SPMIP4: variants seen among roughly 807,000 people sequenced by gnomAD.
The protein encoded by SPMIP4 is sperm microtubule inner protein 4, also known as sperm-associated microtubule inner protein 4.
the SPMIP4 span, chr7:25,154,909 C>T: frequency 4.6e-6 from 5 of 1,086,006 alleles, no homozygotes; most frequent in African/African-American, 6.4e-5. Context: ...TTGAGTCACA[C>T]ATTTGTGACT....
chr7:25,132,344 A>G, the SPMIP4 span, among the ~76,000 whole-genome samples: 1 of 152,200 alleles, frequency 6.6e-6, no homozygotes, highest in Non-Finnish European at 1.5e-5. This position sits in a 1 kb window ranked among gnomAD's most constrained non-coding sequence, Gnocchi z 5.0. Flanking sequence ...TAGGAAATCC[A>G]GCTAGTCCTG....
the SPMIP4 span, chr7:25,136,352 C>T: frequency 6.2e-7 from 1 of 1,614,164 alleles, no homozygotes; most frequent in Non-Finnish European, 8.5e-7. This position sits in a 1 kb window ranked among gnomAD's most constrained non-coding sequence, Gnocchi z 5.7. Context: ...TTAAGATTTT[C>T]ATAGTGAATC....
the SPMIP4 span, among the ~76,000 whole-genome samples, chr7:25,129,685 C>A: frequency 6.6e-6 from 1 of 151,956 alleles, no homozygotes; most frequent in African/African-American, 2.4e-5. Flanking sequence ...GGGGCAATTC[C>A]TGGAGGCTTC....
At chr7:25,166,636 C>G in the SPMIP4 span, among the ~76,000 whole-genome samples, 1 of 151,832 alleles carries the variant, frequency 6.6e-6, no homozygotes, top group Non-Finnish European at 1.5e-5. Context: ...TCTGTAATCC[C>G]AACACTTTGG....
the SPMIP4 span, among the ~76,000 whole-genome samples, chr7:25,178,036 A>G: frequency 1.3e-5 from 2 of 152,128 alleles, no homozygotes; most frequent in Non-Finnish European, 2.9e-5. Flanking sequence ...TTTAGCTCCC[A>G]CTTATAAGTC....
At chr7:25,143,627 T>C in the SPMIP4 span, among the ~76,000 whole-genome samples, 1 of 138,786 alleles carries the variant, frequency 7.2e-6, no homozygotes, top group African/African-American at 2.7e-5. Flanking sequence ...GGTCTCACCC[T>C]GCCACCCAGG....
chr7:25,135,365 G>A, the SPMIP4 span: 1 of 985,486 alleles, frequency 1.0e-6, no homozygotes, highest in Non-Finnish European at 1.2e-6. Context: ...TACATGCAGA[G>A]AGTTTTGGGT....
chr7:25,130,962 C>G, the SPMIP4 span, among the ~76,000 whole-genome samples: 10 of 152,312 alleles, frequency 6.6e-5, 1 homozygote, highest in Non-Finnish European at 1.5e-5. Flanking sequence ...TGGAGCAGGG[C>G]CCTCAATCCC....
chr7:25,136,694 G>A, the SPMIP4 span: 1 of 1,614,148 alleles, frequency 6.2e-7, no homozygotes, highest in South Asian at 1.1e-5. The surrounding 1 kb of genome is among the most constrained non-coding windows in gnomAD (Gnocchi z 5.7). Flanking sequence ...CGTGGTCTTT[G>A]CTGGACTATA....
the SPMIP4 span, among the ~76,000 whole-genome samples, chr7:25,156,929 C>T: frequency 6.6e-6 from 1 of 152,056 alleles, no homozygotes; most frequent in African/African-American, 2.4e-5. Context: ...CCTTGTGATC[C>T]ACCTGCCTCG....
At chr7:25,159,802 G>A in the SPMIP4 span, among the ~76,000 whole-genome samples, 5 of 152,134 alleles carry the variant, frequency 3.3e-5, no homozygotes, top group African/African-American at 7.2e-5. Flanking sequence ...GAAAGATGGT[G>A]GGGGCACAAA....
At chr7:25,173,185 A>G in the SPMIP4 span, among the ~76,000 whole-genome samples, 1 of 152,122 alleles carries the variant, frequency 6.6e-6, no homozygotes, top group Admixed American at 6.5e-5. The surrounding 1 kb of genome is among the most constrained non-coding windows in gnomAD (Gnocchi z 4.4). Flanking sequence ...TTTTCTCTTT[A>G]CCAGTACAGT....
the SPMIP4 span, among the ~76,000 whole-genome samples, chr7:25,148,732 C>T: frequency 6.6e-6 from 1 of 152,158 alleles, no homozygotes; most frequent in African/African-American, 2.4e-5. Context: ...GCCTTGGCCT[C>T]CCAAAGTGTC....
the SPMIP4 span, among the ~76,000 whole-genome samples, chr7:25,137,195 G>A: frequency 6.7e-6 from 1 of 149,930 alleles, no homozygotes; most frequent in East Asian, 1.9e-4. Flanking sequence ...TTAAACCTTG[G>A]CTGAGTCAGA....
chr7:25,151,166 A>T, the SPMIP4 span, among the ~76,000 whole-genome samples: 4 of 152,172 alleles, frequency 2.6e-5, no homozygotes, highest in Non-Finnish European at 4.4e-5. Context: ...GAAAAATGTA[A>T]ATCATAGTCA....
At chr7:25,163,907 T>C in the SPMIP4 span, among the ~76,000 whole-genome samples, 1 of 152,224 alleles carries the variant, frequency 6.6e-6, no homozygotes, top group South Asian at 2.1e-4. This position sits in a 1 kb window ranked among gnomAD's most constrained non-coding sequence, Gnocchi z 4.4. Context: ...TATTAAACAA[T>C]ATTATTTTTG....
chr7:25,150,354 A>G, the SPMIP4 span, among the ~76,000 whole-genome samples: 1 of 152,220 alleles, frequency 6.6e-6, no homozygotes. Context: ...TTAAAAACTG[A>G]AAGAGATCCA....
chr7:25,151,069 A>G, the SPMIP4 span, among the ~76,000 whole-genome samples: 1 of 152,030 alleles, frequency 6.6e-6, no homozygotes, highest in African/African-American at 2.4e-5. Flanking sequence ...GCCCTCCTCC[A>G]CCATCTTCCT....
chr7:25,126,682 A>AAT, the SPMIP4 span, among the ~76,000 whole-genome samples: 2 of 152,226 alleles, frequency 1.3e-5, no homozygotes, highest in Non-Finnish European at 2.9e-5. Context: ...AAGTTAGGTT[A>AAT]ATCTCTAAGT....
Sources: allele counts gnomAD v4.1 joint callset (sites outside exome capture counted in the v4.1 genomes callset), GRCh38; gene constraint gnomAD v4.1.1; non-coding constraint Gnocchi (gnomAD v3.1); transcripts MANE v1.5; gene names NCBI Gene and HGNC (gene_info 2026-07-23, HGNC 2026-07-21).